The following TERB1 variants were observed in gnomAD, a reference collection of about 807,000 sequenced individuals.
TERB1 encodes telomere repeat binding bouquet formation protein 1.
A neutral mutation model predicts 92.3 loss-of-function variants in TERB1; 63 were observed. That is an observed-to-expected ratio of 0.68 (90% CI 0.56 to 0.84). The LOEUF (loss-of-function observed/expected upper bound fraction) is 0.84, where lower values mean the gene tolerates loss of function less well. Among genes scored for constraint, TERB1 ranks in the 40% least tolerant of loss-of-function variants. The pLI is 0.00. For missense variants in TERB1, 709 were observed against 843.7 expected (o/e 0.84, Z 1.98); for synonymous variants, 252 against 283.9 (o/e 0.89, Z 1.13).
chr16:66,792,151 C>T (rs1328229845), intron 3 of TERB1, among the ~76,000 whole-genome samples: 1 of 152,100 alleles, frequency 6.6e-6, no homozygotes, highest in Non-Finnish European at 1.5e-5. Flanking sequence ...TGTAACAAAA[C>T]TTAAACAGGA....
intron 9 of TERB1, among the ~76,000 whole-genome samples, chr16:66,781,581 G>A (rs552288626): frequency 7.4e-5 from 11 of 147,908 alleles, no homozygotes; most frequent in African/African-American, 2.5e-4. Context: ...GTGCAGTGGC[G>A]CAATCTTGGC....
intron 9 of TERB1, among the ~76,000 whole-genome samples, chr16:66,784,518 G>A (rs1325500812): frequency 6.6e-6 from 1 of 151,668 alleles, no homozygotes; most frequent in African/African-American, 2.4e-5. Flanking sequence ...ATTTTTAGTA[G>A]AGACAAGGTT....
intron 12 of TERB1, among the ~76,000 whole-genome samples, chr16:66,774,683 C>CCTTTTTTT (rs386384962): frequency 2.5e-5 from 1 of 40,218 alleles, no homozygotes; most frequent in African/African-American, 1.4e-4. Flanking sequence ...CTCTGATTTT[C>CCTTTTTTT]TTTTTTTTTT....
At chr16:66,755,949 G>C (rs2018131077) in intron 18 of TERB1, among the ~76,000 whole-genome samples, 1 of 152,114 alleles carries the variant, frequency 6.6e-6, no homozygotes, top group Admixed American at 6.6e-5. Flanking sequence ...AAAAACACAT[G>C]GTCAGCTAGA....
intron 16 of TERB1, among the ~76,000 whole-genome samples, chr16:66,763,182 G>A (rs2018281002): frequency 6.8e-6 from 1 of 147,912 alleles, no homozygotes; most frequent in Non-Finnish European, 1.5e-5. Context: ...TGTTGCTCAG[G>A]CTGGACTTGC....
intron 2 of TERB1, among the ~76,000 whole-genome samples, chr16:66,797,054 C>T (rs1481972976): frequency 4.6e-5 from 7 of 152,120 alleles, no homozygotes; most frequent in Admixed American, 4.6e-4. Flanking sequence ...GGCTCTGTAT[C>T]CTCATCTGTA....
At chr16:66,771,600 C>T (rs763244854) in intron 13 of TERB1, among the ~76,000 whole-genome samples, 6 of 151,012 alleles carry the variant, frequency 4.0e-5, no homozygotes, top group East Asian at 1.9e-4. Flanking sequence ...GTGAACTGTA[C>T]GGTATGTGAA....
intron 4 of TERB1, 62 bp from the exon 5 acceptor site, chr16:66,790,785 A>G (rs968923960): frequency 2.6e-6 from 4 of 1,514,866 alleles, no homozygotes; most frequent in Admixed American, 4.0e-5. Flanking sequence ...GATAAAATAA[A>G]TCACATGAAG....
intron 16 of TERB1, among the ~76,000 whole-genome samples, chr16:66,762,845 A>G (rs778954097): frequency 1.3e-5 from 2 of 150,290 alleles, no homozygotes; most frequent in Non-Finnish European, 3.0e-5. Context: ...CACCACACTC[A>G]GCTAATTTTT....
At chr16:66,785,739 T>C (rs2018718246) in intron 9 of TERB1, 47 bp downstream of exon 9, 3 of 1,461,448 alleles carry the variant, frequency 2.1e-6, no homozygotes, top group Non-Finnish European at 9.1e-7. Flanking sequence ...TATTATGCTT[T>C]GAAATATGTT....
intron 13 of TERB1, among the ~76,000 whole-genome samples, 197 bp from the exon 14 acceptor site, chr16:66,770,506 G>A (rs2018429414): frequency 6.6e-6 from 1 of 151,856 alleles, no homozygotes; most frequent in African/African-American, 2.4e-5. Flanking sequence ...GTAGCCATCT[G>A]GTGAAAAAAT....
At chr16:66,759,931 G>C (rs1430610813) in intron 16 of TERB1, among the ~76,000 whole-genome samples, 1 of 149,876 alleles carries the variant, frequency 6.7e-6, no homozygotes, top group East Asian at 1.9e-4. Flanking sequence ...TCAGGAGTTT[G>C]AGACCAGCCT....
In TERB1 at chr16:66,799,828, T is replaced by C. The variant is rs567538991; in HGVS notation, c.-33+1149A>G. On this transcript the variant is annotated intron_variant, in intron 2 of 18. Transcript: ENST00000433154. ...AAAAGCATCTGCCATATAAAGCAGA[T>C]TATGAAGTGCTTTTAGTAATTTAGT... 9.2e-5 allele frequency among the ~76,000 whole-genome samples: 14 copies of C among 152,294 alleles called. 1 individual carries two copies. The highest frequency in any genetic ancestry group is 5.8e-4 in the East Asian group (3 of 5,180).
chr16:66,779,429 T>G (rs2018600501), intron 9 of TERB1, among the ~76,000 whole-genome samples: 1 of 152,022 alleles, frequency 6.6e-6, no homozygotes, highest in East Asian at 1.9e-4. Context: ...AAACCCCATC[T>G]CTACTAAAAA....
At chr16:66,789,773 T>C (rs2018797518) in intron 5 of TERB1, among the ~76,000 whole-genome samples, 1 of 150,054 alleles carries the variant, frequency 6.7e-6, no homozygotes, top group South Asian at 2.1e-4. Flanking sequence ...TGCAGTGGCA[T>C]AATCTCGGCC....
At chr16:66,784,748 ATTTT>A (rs34949570) in intron 9 of TERB1, among the ~76,000 whole-genome samples, 2 of 117,606 alleles carry the variant, frequency 1.7e-5, no homozygotes, top group Admixed American at 9.3e-5. Context: ...TTAATTTTTA[ATTTT>A]TTTTTTTTTT....
chr16:66,788,069 C>CA (rs1235660218), intron 6 of TERB1, 100 bp downstream of exon 6: 10 of 1,025,700 alleles, frequency 9.7e-6, no homozygotes, highest in South Asian at 2.3e-5. Flanking sequence ...TCCAAAAACA[C>CA]AAAAAAACAA....
At chr16:66,784,445 C>A (rs1567475295) in intron 9 of TERB1, among the ~76,000 whole-genome samples, 1 of 151,844 alleles carries the variant, frequency 6.6e-6, no homozygotes, top group Non-Finnish European at 1.5e-5. Context: ...GATTCTCCTG[C>A]CTCAGCCACC....
chr16:66,786,380 T>C lies in TERB1; in HGVS notation c.401-95A>G, dbSNP rs2145205395. 3.5e-6 allele frequency: 3 copies of C among 849,516 alleles called. No homozygotes were observed. In the East Asian group the frequency reaches 8.0e-5, roughly 23 times the overall value. The allele number at this position is 849,516 out of a possible 1,614,324, so 52.6% of individuals were successfully genotyped here. On this transcript the variant is annotated intron_variant, in intron 6 of 18. Coordinates refer to ENST00000433154, the MANE Select transcript of TERB1 (RefSeq NM_001136505.2). Reference sequence around the variant, plus strand: ...AAGTTTTATTTTAATAAATAACTTTTAAACAACTTTAAAGTATTACAAAGT... The same window carrying C: ...AAGTTTTATTTTAATAAATAACTTTCAAACAACTTTAAAGTATTACAAAGT...
Sources: gnomAD v4.1 joint callset for allele counts (sites outside exome capture counted in the v4.1 genomes callset) on GRCh38, gnomAD v4.1.1 for gene constraint, MANE v1.5 for transcripts, NCBI Gene and HGNC (gene_info 2026-07-23, HGNC 2026-07-21) for gene names.